The following CDKL2 variants were observed in gnomAD, a reference collection of about 807,000 sequenced individuals.
CDKL2 encodes cyclin-dependent kinase-like 2.
Under a neutral mutation model 63.9 loss-of-function variants are expected in CDKL2, and 64 were observed. The ratio of observed to expected loss-of-function variants is 1.00; its 90% confidence interval spans 0.82 to 1.23. The LOEUF is 1.23. Ranked by LOEUF, CDKL2 falls within the 50% of genes most tolerant of loss-of-function variation. The pLI, the probability that CDKL2 is intolerant of heterozygous loss-of-function variation, is 0.00. For missense variants in CDKL2, 656 were observed against 668.0 expected (o/e 0.98, Z 0.20); for synonymous variants, 211 against 229.2 (o/e 0.92, Z 0.72).
chr4:75,585,248 C>A (rs1487009067), intron 12 of CDKL2, among the ~76,000 whole-genome samples: 1 of 152,070 alleles, frequency 6.6e-6, no homozygotes, highest in Non-Finnish European at 1.5e-5. Flanking sequence ...AAAGACAAGA[C>A]AATTATGTGC....
rs1379326396 is a variant in CDKL2 at position 75,590,891 on chromosome 4, A to G, written c.1647+928T>C. Among the ~76,000 whole-genome samples the G allele has an allele frequency of 5.9e-5, 9 of 152,226 alleles. No homozygotes were observed. The East Asian group carries it at 1.7e-3, about 29-fold the overall frequency. Reference sequence around the variant, plus strand: ...GTGAAAAATCTGTCTGAAGCAGTAAAAGGAAAGTACAATGTCCATAGCCAA... The same window carrying G: ...GTGAAAAATCTGTCTGAAGCAGTAAGAGGAAAGTACAATGTCCATAGCCAA... On this transcript the variant is annotated intron_variant, in intron 12 of 13. Transcript: ENST00000307465.
intron 4 of CDKL2, 100 bp downstream of exon 4, chr4:75,607,083 C>G: frequency 1.1e-6 from 1 of 931,380 alleles, no homozygotes; most frequent in Non-Finnish European, 1.6e-6. Flanking sequence ...TCAAGCCTTC[C>G]TTTCAGTATT....
chr4:75,592,010 G>A, intron 11 of CDKL2, 85 bp from the exon 12 acceptor site: 1 of 1,299,348 alleles, frequency 7.7e-7, no homozygotes, highest in Non-Finnish European at 1.1e-6. Flanking sequence ...GTGTTCCTCA[G>A]TATGTACTTA....
chr4:75,581,129 C>T (rs368972584), intron 13 of CDKL2, among the ~76,000 whole-genome samples: 1 of 152,174 alleles, frequency 6.6e-6, no homozygotes, highest in Non-Finnish European at 1.5e-5. Flanking sequence ...TTTAGGTCAA[C>T]AATGAGCTGC....
At chr4:75,599,275 C>T (rs1001957669) in intron 7 of CDKL2, among the ~76,000 whole-genome samples, 40 of 151,982 alleles carry the variant, frequency 2.6e-4, no homozygotes, top group African/African-American at 9.4e-4. Flanking sequence ...AAGAAACTAC[C>T]ACTGGGCCAG....
At chr4:75,613,081 C>T (rs973634902) in intron 3 of CDKL2, among the ~76,000 whole-genome samples, 15 of 150,362 alleles carry the variant, frequency 1.0e-4, no homozygotes, top group South Asian at 6.3e-4. Flanking sequence ...GCCGAGATCG[C>T]GCCACTGCAC....
At chr4:75,589,343 C>T (rs1341178042) in intron 12 of CDKL2, among the ~76,000 whole-genome samples, 1 of 131,536 alleles carries the variant, frequency 7.6e-6, no homozygotes, top group Admixed American at 8.6e-5. Flanking sequence ...CTCGCTCTGT[C>T]GCCCAGGCTG....
chr4:75,628,923 A>G (rs1730556527), intron 1 of CDKL2, among the ~76,000 whole-genome samples: 1 of 152,176 alleles, frequency 6.6e-6, no homozygotes, highest in Admixed American at 6.5e-5. Context: ...AACAATACCA[A>G]TGAACATCGA....
intron 10 of CDKL2, among the ~76,000 whole-genome samples, chr4:75,592,524 T>G (rs1424553975): frequency 6.6e-6 from 1 of 152,246 alleles, no homozygotes; most frequent in Non-Finnish European, 1.5e-5. Flanking sequence ...TTGCCAATTA[T>G]CAGTGTGTAA....
chr4:75,604,640 T>G (rs1729344659), intron 5 of CDKL2, among the ~76,000 whole-genome samples: 1 of 152,198 alleles, frequency 6.6e-6, no homozygotes, highest in Non-Finnish European at 1.5e-5. Context: ...AAATCAACCT[T>G]GGAAATCTCT....
intron 10 of CDKL2, among the ~76,000 whole-genome samples, chr4:75,595,627 T>TTAC (rs1728879582): frequency 6.6e-6 from 1 of 151,998 alleles, no homozygotes; most frequent in Non-Finnish European, 1.5e-5. Flanking sequence ...ATTTACTATG[T>TTAC]TACTAAAGAA....
intron 2 of CDKL2, among the ~76,000 whole-genome samples, chr4:75,624,207 A>G (rs1299297181): frequency 3.3e-5 from 5 of 152,166 alleles, no homozygotes; most frequent in African/African-American, 1.2e-4. Flanking sequence ...ACGCTAACCA[A>G]AATTAAGCTA....
chr4:75,592,204 G>A lies in CDKL2; in HGVS notation c.1482C>T (p.Val494=). The change falls in exon 11 of 14, where the codon GTC becomes GTT. Residue 494 remains valine (V), a synonymous_variant. Coordinates refer to ENST00000307465, the MANE Select transcript of CDKL2 (RefSeq NM_001330724.2). ...KKRREYSRTD[V]RLPELNYNHL... ...GATTATAGTTTAGTTCAGGCAAACG[G>A]ACATCTGTCCTGGAGTATTCTCTTC... 6.5e-7 allele frequency: 1 copy of A among 1,535,340 alleles called. No individual in the cohort carries two copies.
intron 10 of CDKL2, among the ~76,000 whole-genome samples, chr4:75,593,197 T>C (rs549645210): frequency 2.6e-5 from 4 of 152,198 alleles, no homozygotes; most frequent in African/African-American, 9.6e-5. Flanking sequence ...GCTAAGGCTA[T>C]TGGTTCAAGT....
chr4:75,586,215 G>T (rs6419106), intron 12 of CDKL2, among the ~76,000 whole-genome samples: 2 of 147,120 alleles, frequency 1.4e-5, no homozygotes, highest in South Asian at 4.2e-4. Context: ...GAAAACGTTT[G>T]GACTAACCTT....
rs768596365 is a variant in CDKL2 at position 75,598,160 on chromosome 4, A to C, written c.937T>G (p.Leu313Val). 6.5e-7 allele frequency: 1 copy of C among 1,540,182 alleles called. No homozygotes were observed. The highest frequency in any genetic ancestry group is 8.9e-7 in the Non-Finnish European group (1 of 1,127,290). Residue 313 changes from leucine to valine, a missense_variant, in exon 8 of 14, where the codon TTA (leucine) becomes GTA (valine). Leu to Val is a conservative substitution (Grantham distance 32, BLOSUM62 1). Coordinates refer to ENST00000307465, the MANE Select transcript of CDKL2 (RefSeq NM_001330724.2). The stretch of plus-strand genomic sequence containing the variant: ...TTTCTGTTTTGGGATTTTTTAGATA[A>C]AGAAACATTTCTGGCATCTTTCTGT... ...KVQKDARNVS[L>V]SKKSQNRKKE...
chr4:75,588,372 T>C (rs560701310), intron 12 of CDKL2, among the ~76,000 whole-genome samples: 1 of 152,190 alleles, frequency 6.6e-6, no homozygotes, highest in Non-Finnish European at 1.5e-5. Flanking sequence ...CAACTTGTTT[T>C]ATGAAGCTAA....
chr4:75,587,747 C>CA (rs34265810), intron 12 of CDKL2, among the ~76,000 whole-genome samples: 37,350 of 150,280 alleles, frequency 0.25, 4,922 homozygotes, highest in Middle Eastern at 0.37. Context: ...ACTAAAAATA[C>CA]AAAAAAATTA....
chr4:75,599,289 C>CG (rs1729071927), intron 7 of CDKL2, among the ~76,000 whole-genome samples: 1 of 152,056 alleles, frequency 6.6e-6, no homozygotes, highest in African/African-American at 2.4e-5. Flanking sequence ...GGGCCAGGAA[C>CG]GGTGGCTCAT....
Sources: gnomAD v4.1 joint callset for allele counts (sites outside exome capture counted in the v4.1 genomes callset) on GRCh38, gnomAD v4.1.1 for gene constraint, MANE v1.5 for transcripts, NCBI Gene and HGNC (gene_info 2026-07-23, HGNC 2026-07-21) for gene names.